Variants in GNA14 observed in about 807,000 individuals in gnomAD.
GNA14 encodes G protein subunit alpha 14, also known as guanine nucleotide-binding protein subunit alpha-14.
Under a neutral mutation model 42.0 loss-of-function variants are expected in GNA14, and 50 were observed. The ratio of observed to expected loss-of-function variants is 1.19; its 90% CI spans 0.95 to 1.51. GNA14 has a LOEUF of 1.51. Ranked by LOEUF, GNA14 falls within the 40% of genes most tolerant of loss-of-function variation. GNA14 has a pLI of 0.00. For synonymous variants in GNA14, 173 were observed against 163.1 expected (o/e 1.06, Z -0.46); for missense variants, 473 against 446.2 (o/e 1.06, Z -0.54).
chr9:77,518,897 G>A (rs888064472), intron 2 of GNA14, among the ~76,000 whole-genome samples: 2 of 152,048 alleles, frequency 1.3e-5, no homozygotes, highest in African/African-American at 4.8e-5. Context: ...GATAAAATAC[G>A]CAGTTAAACA....
chr9:77,563,258 A>G (rs940698204), intron 1 of GNA14, among the ~76,000 whole-genome samples: 1 of 152,200 alleles, frequency 6.6e-6, no homozygotes, highest in Non-Finnish European at 1.5e-5. Flanking sequence ...CTCATGCTGT[A>G]TATTATCATT....
chr9:77,477,613 A>G (rs191625666), intron 2 of GNA14, among the ~76,000 whole-genome samples: 2 of 152,236 alleles, frequency 1.3e-5, no homozygotes, highest in Non-Finnish European at 2.9e-5. Context: ...GCTTCTAAGA[A>G]AGAAGGAACA....
At chr9:77,609,452 A>G (rs1002131581) in intron 1 of GNA14, among the ~76,000 whole-genome samples, 2 of 152,128 alleles carry the variant, frequency 1.3e-5, no homozygotes, top group African/African-American at 4.8e-5. Flanking sequence ...CCATATTTCT[A>G]GCACACACCT....
intron 1 of GNA14, among the ~76,000 whole-genome samples, chr9:77,614,654 G>A (rs1322193498): frequency 1.3e-5 from 2 of 152,066 alleles, no homozygotes; most frequent in Non-Finnish European, 2.9e-5. Context: ...AATGCTCCCC[G>A]AAACTCTCCT....
intron 1 of GNA14, among the ~76,000 whole-genome samples, chr9:77,529,776 A>G (rs1247460818): frequency 2.0e-5 from 3 of 152,070 alleles, no homozygotes. Context: ...GGTCCTCAAA[A>G]CTCACAACAC....
rs751848300 is a variant in GNA14 at position 77,425,567 on chromosome 9, T to C, written c.872A>G (p.Tyr291Cys). Residue 291 changes from tyrosine to cysteine, a missense_variant, in exon 6 of 7, where the codon TAC becomes TGC. Coordinates refer to ENST00000341700, the MANE Select transcript of GNA14 (RefSeq NM_004297.4). ...TCCACAAGATAGACACTTACCTGTG[T>C]ATTCTGGGAAATAGCTAATTAGATG... ...YSHLISYFPE[Y>C]TGPKQDVRAA... is the part of the protein sequence containing the mutation. 1.9e-6 allele frequency: 3 copies of C among 1,602,150 alleles called. No individual in the cohort carries two copies. The South Asian group carries it at 3.4e-5, about 18-fold the overall frequency.
intron 1 of GNA14, among the ~76,000 whole-genome samples, chr9:77,646,608 T>C (rs1198647202): frequency 6.6e-6 from 1 of 152,112 alleles, no homozygotes; most frequent in East Asian, 1.9e-4. Flanking sequence ...GTGATTCCTA[T>C]ACAAGGAATA....
At position 77,425,661 on chromosome 9, in the gene GNA14, A is replaced by G. The variant is rs1175533318; in HGVS notation, c.778T>C (p.Phe260Leu). 5.6e-6 allele frequency: 9 copies of G among 1,610,680 alleles called. No homozygotes were observed. The highest frequency in any genetic ancestry group is 7.6e-6 in the Non-Finnish European group (9 of 1,176,878). Residue 260 changes from phenylalanine to leucine, a missense_variant, in exon 6 of 7, where the codon TTT becomes CTT. Coordinates refer to ENST00000341700, the MANE Select transcript of GNA14 (RefSeq NM_004297.4). ...AATAAAATCACAGACGAATTCAGAA[A>G]CCAGGGGTAGGTGATGATGGTTTTA... ...LFKTIITYPWFLNSSVILFLN... is the reference protein window; with the variant it reads ...LFKTIITYPWLLNSSVILFLN...
chr9:77,483,460 G>A (rs1448151668), intron 2 of GNA14, among the ~76,000 whole-genome samples: 1 of 152,180 alleles, frequency 6.6e-6, no homozygotes, highest in Non-Finnish European at 1.5e-5. Flanking sequence ...ACCCGGCCGT[G>A]TGAGGTGTCA....
rs1392903480 is a variant in GNA14 at position 77,424,159 on chromosome 9, C to T, written c.888G>A (p.Gln296=). 2.5e-6 allele frequency: 4 copies of T among 1,607,018 alleles called. No individual in the cohort carries two copies. In the Admixed American group the frequency reaches 6.7e-5, roughly 27 times the overall value. The change falls in exon 7 of 7, where the codon CAG becomes CAA. Residue 296 remains glutamine (Q), a synonymous_variant. Transcript: ENST00000341700. The part of the protein sequence containing the change: ...SYFPEYTGPK[Q]DVRAARDFIL... ...TAAAGTCTCTGGCAGCTCTGACATC[C>T]TGTTTCGGTCCTAGTCACAAGTGCA...
At chr9:77,469,333 G>A (rs1044259283) in intron 2 of GNA14, among the ~76,000 whole-genome samples, 3 of 146,442 alleles carry the variant, frequency 2.0e-5, no homozygotes, top group Non-Finnish European at 3.0e-5. Flanking sequence ...GCAAGAGGGA[G>A]GGCCCAGAAT....
chr9:77,625,914 T>C (rs926426566), intron 1 of GNA14, among the ~76,000 whole-genome samples: 4 of 152,152 alleles, frequency 2.6e-5, no homozygotes, highest in Admixed American at 6.5e-5. Context: ...ATGGGCTAAA[T>C]GCCCCAATTA....
chr9:77,623,873 GT>G (rs140769688), intron 1 of GNA14, among the ~76,000 whole-genome samples: 3 of 152,268 alleles, frequency 2.0e-5, no homozygotes, highest in East Asian at 3.9e-4. Context: ...AAATGCAGGA[GT>G]TTTTTTCCAT....
chr9:77,545,367 T>C (rs532620888), intron 1 of GNA14, among the ~76,000 whole-genome samples: 1 of 152,354 alleles, frequency 6.6e-6, no homozygotes, highest in Admixed American at 6.5e-5. Context: ...CCGTTCACCT[T>C]GGAAAGCTAA....
Position 77,423,128 on chromosome 9 carries a change from A to G in GNA14, c.*851T>C, listed in dbSNP as rs1316851325. 1 of 152,144 alleles carries G rather than the reference A, an allele frequency of 6.6e-6. No homozygotes were observed. The allele number at this position is 152,144 out of a possible 1,614,324, so 9.4% of individuals were successfully genotyped here. A position where few individuals can be genotyped will look rare whatever the true frequency, so the allele number is the denominator to read the frequency against. On this transcript the variant is annotated 3_prime_UTR_variant, in exon 7 of 7. Transcript: ENST00000341700. ...GCCTCCTCAGAAAGGCACAGCATAC[A>G]TAATTCAAACAGCAAATCTGTGGTG... is the stretch of plus-strand genomic sequence containing the variant.
At chr9:77,567,725 G>A (rs1822989019) in intron 1 of GNA14, among the ~76,000 whole-genome samples, 2 of 152,126 alleles carry the variant, frequency 1.3e-5, no homozygotes, top group South Asian at 4.2e-4. Flanking sequence ...AAATTAGCCA[G>A]GCGTGGTGGT....
chr9:77,443,388 G>A (rs951242573), intron 2 of GNA14, among the ~76,000 whole-genome samples: 10 of 152,174 alleles, frequency 6.6e-5, no homozygotes, highest in African/African-American at 2.4e-4. Context: ...AAGCTCAGCA[G>A]GGACTCACTT....
Position 77,515,983 on chromosome 9 carries a change from A to AAAAAAAAAAAAAAAC in GNA14, c.309+13085_309+13086insGTTTTTTTTTTTTTT, listed in dbSNP as rs1276481734. 6.8e-4 allele frequency among the ~76,000 whole-genome samples: 99 copies of AAAAAAAAAAAAAAAC among 145,392 alleles called. 1 individual carries two copies. Among genetic ancestry groups the AAAAAAAAAAAAAAAC allele is most frequent in the East Asian group, 6.5e-3 (29 of 4,490 alleles). On this transcript the variant is annotated intron_variant, in intron 2 of 6. Coordinates refer to ENST00000341700, the MANE Select transcript of GNA14 (RefSeq NM_004297.4). ...CACAAAAAAAAAAAAAAAAAAAAAA[A>AAAAAAAAAAAAAAAC]CCCAGAGCAGGAAGAGACAGCCATG...
intron 1 of GNA14, among the ~76,000 whole-genome samples, chr9:77,567,906 G>C (rs538594194): frequency 1.3e-5 from 2 of 152,180 alleles, no homozygotes; most frequent in South Asian, 4.2e-4. Context: ...GCCAGCAAAA[G>C]TTTGTGATAA....
Sources: allele counts gnomAD v4.1 joint callset (sites outside exome capture counted in the v4.1 genomes callset), GRCh38; gene constraint gnomAD v4.1.1; transcripts MANE v1.5; gene names NCBI Gene and HGNC (gene_info 2026-07-23, HGNC 2026-07-21).